DCAF5: variants seen among roughly 807,000 people sequenced by gnomAD.
DCAF5 encodes the protein DDB1 and CUL4 associated factor 5.
Under a neutral mutation model 80.7 loss-of-function variants are expected in DCAF5, and 9 were observed. The ratio of observed to expected loss-of-function variants is 0.11; its 90% CI spans 0.07 to 0.19. DCAF5 has a LOEUF of 0.19. DCAF5 is among the 10% of genes least tolerant of loss of function. DCAF5 has a pLI of 1.00. For missense variants in DCAF5, 842 were observed against 1,205.7 expected (o/e 0.70, Z 4.47); for synonymous variants, 433 against 461.9 (o/e 0.94, Z 0.80).
chr14:69,091,069 T>G (rs763434688), intron 6 of DCAF5: 2 of 751,624 alleles, frequency 2.7e-6, no homozygotes, highest in Non-Finnish European at 4.9e-6. Flanking sequence ...ACTGCCAGCT[T>G]TAAGTCAACA....
In DCAF5 at chr14:69,090,894, T is replaced by TA. The variant is rs577804379; in HGVS notation, c.879+779dup. 1.2e-4 allele frequency: 69 copies of TA among 553,478 alleles called. No individual in the cohort carries two copies. The South Asian group carries it at 1.7e-3, about 13-fold the overall frequency. The allele number at this position is 553,478 out of a possible 1,614,324, so 34.3% of individuals were successfully genotyped here. A position where few individuals can be genotyped will look rare whatever the true frequency, so the allele number is the denominator to read the frequency against. Reference sequence around the variant, plus strand: ...CAATAAGATTTGTTGTGCTTGAGAATAAAAAATTCTATTTGTTTATTTGAT... The same window carrying TA: ...CAATAAGATTTGTTGTGCTTGAGAATAAAAAAATTCTATTTGTTTATTTGAT... On this transcript the variant is annotated intron_variant, in intron 6 of 8. Coordinates refer to ENST00000341516, the MANE Select transcript of DCAF5 (RefSeq NM_003861.3).
intron 2 of DCAF5, among the ~76,000 whole-genome samples, chr14:69,121,651 T>C (rs150451313): frequency 3.3e-5 from 5 of 152,142 alleles, no homozygotes; most frequent in Non-Finnish European, 7.4e-5. Context: ...CAGGTAGATA[T>C]CCAGTGGGAA....
intron 5 of DCAF5, among the ~76,000 whole-genome samples, chr14:69,108,765 AAAG>A (rs1443558488): frequency 6.6e-6 from 1 of 152,164 alleles, no homozygotes; most frequent in Non-Finnish European, 1.5e-5. Context: ...TAGAAGACAG[AAAG>A]AAGGGAGTAG....
chr14:69,151,980 C>T (rs980479016), intron 1 of DCAF5, among the ~76,000 whole-genome samples: 6 of 152,220 alleles, frequency 3.9e-5, no homozygotes, highest in Non-Finnish European at 5.9e-5. Flanking sequence ...CCGCGGGAAA[C>T]GGGGTGCGGG....
chr14:69,084,787 G>T, intron 6 of DCAF5: 1 of 1,106,642 alleles, frequency 9.0e-7, no homozygotes, highest in Non-Finnish European at 1.4e-6. Context: ...CATTCTTCCA[G>T]TTCTGCAATG....
At chr14:69,063,718 T>A (rs1477031415) in intron 7 of DCAF5, among the ~76,000 whole-genome samples, 1 of 152,212 alleles carries the variant, frequency 6.6e-6, no homozygotes, top group African/African-American at 2.4e-5. Flanking sequence ...TCTAGGGGTA[T>A]CTTCTGCTTT....
chr14:69,084,241 C>T (rs1490556907), intron 6 of DCAF5: 1 of 1,002,170 alleles, frequency 1.0e-6, no homozygotes, highest in Non-Finnish European at 1.6e-6. Context: ...TAATGGGTGG[C>T]AGTAATAGAT....
intron 6 of DCAF5, among the ~76,000 whole-genome samples, chr14:69,078,536 G>C (rs1185367911): frequency 6.6e-6 from 1 of 152,174 alleles, no homozygotes; most frequent in African/African-American, 2.4e-5. Context: ...GCCAAGAGGT[G>C]GAATCAATCC....
intron 5 of DCAF5, among the ~76,000 whole-genome samples, chr14:69,101,688 G>A (rs1322945548): frequency 6.6e-6 from 1 of 152,090 alleles, no homozygotes; most frequent in Admixed American, 6.5e-5. Context: ...ATTATAGAGA[G>A]TATTCACACA....
intron 5 of DCAF5, among the ~76,000 whole-genome samples, chr14:69,097,629 C>T (rs2039777471): frequency 6.8e-6 from 1 of 147,366 alleles, no homozygotes; most frequent in Admixed American, 6.9e-5. Flanking sequence ...CTTTGTCACC[C>T]AGGCTGGAGT....
intron 1 of DCAF5, among the ~76,000 whole-genome samples, chr14:69,127,126 T>C (rs1328370761): frequency 6.6e-6 from 1 of 152,210 alleles, no homozygotes; most frequent in Admixed American, 6.5e-5. Flanking sequence ...CCAGCAATCA[T>C]GCTCCTTGGT....
chr14:69,138,197 C>G (rs1278897787), intron 1 of DCAF5, among the ~76,000 whole-genome samples: 7 of 151,714 alleles, frequency 4.6e-5, no homozygotes, highest in African/African-American at 1.5e-4. Context: ...ACTTGTAACA[C>G]CAAGATACAA....
Position 69,153,074 on chromosome 14 carries a change from G to T in DCAF5, c.-96C>A. 1 of 989,558 alleles carries T rather than the reference G, an allele frequency of 1.0e-6. No homozygotes were observed. Among genetic ancestry groups the T allele is most frequent in the Non-Finnish European group, 1.4e-6 (1 of 724,890 alleles). The allele number at this position is 989,558 out of a possible 1,614,324, so 61.3% of individuals were successfully genotyped here. A position where few individuals can be genotyped will look rare whatever the true frequency, so the allele number is the denominator to read the frequency against. ...CCACCCGGCCCTCCCCCCGCGCTGC[G>T]ATCCGGATGGTTCTTTAACCAGCCA... is the stretch of plus-strand genomic sequence containing the variant. On this transcript the variant is annotated 5_prime_UTR_variant, in exon 1 of 9. Transcript: ENST00000341516.
intron 1 of DCAF5, among the ~76,000 whole-genome samples, chr14:69,151,044 T>C (rs1262610187): frequency 6.6e-6 from 1 of 152,222 alleles, no homozygotes; most frequent in African/African-American, 2.4e-5. Flanking sequence ...GGAACTTCTC[T>C]GTTGTAATAC....
chr14:69,075,261 A>G (rs895136815), intron 7 of DCAF5, 84 bp downstream of exon 7: 17 of 1,045,182 alleles, frequency 1.6e-5, no homozygotes, highest in Non-Finnish European at 2.4e-5. Flanking sequence ...CTCTACTGCT[A>G]AAGATCTGTC....
At chr14:69,148,437 C>T (rs756906017) in intron 1 of DCAF5, among the ~76,000 whole-genome samples, 3 of 152,144 alleles carry the variant, frequency 2.0e-5, no homozygotes, top group Admixed American at 6.5e-5. Context: ...TGGCTCACAC[C>T]TGTAATCCCA....
chr14:69,094,962 G>A (rs1022556735), intron 5 of DCAF5, among the ~76,000 whole-genome samples: 12 of 152,194 alleles, frequency 7.9e-5, no homozygotes, highest in Admixed American at 6.5e-4. Flanking sequence ...TGTGGGGTTG[G>A]GGGTGGAGAG....
At chr14:69,106,462 G>A (rs1489523210) in intron 5 of DCAF5, among the ~76,000 whole-genome samples, 3 of 151,402 alleles carry the variant, frequency 2.0e-5, no homozygotes, top group Non-Finnish European at 4.4e-5. Context: ...TCAACCTCCT[G>A]GGCTCAAGCG....
intron 7 of DCAF5, among the ~76,000 whole-genome samples, chr14:69,073,341 G>C (rs936996205): frequency 6.6e-6 from 1 of 152,280 alleles, no homozygotes; most frequent in South Asian, 2.1e-4. Flanking sequence ...AAGAGACATC[G>C]AGAGAAACCA....
Sources: gnomAD v4.1 joint callset for allele counts (sites outside exome capture counted in the v4.1 genomes callset) on GRCh38, gnomAD v4.1.1 for gene constraint, MANE v1.5 for transcripts, NCBI Gene and HGNC (gene_info 2026-07-23, HGNC 2026-07-21) for gene names.